EEFSEC: variants seen among roughly 807,000 people sequenced by gnomAD.
EEFSEC encodes selenocysteine-specific elongation factor.
EEFSEC carries 43 observed loss-of-function variants against 42.1 expected under a neutral mutation model. The ratio of observed to expected loss-of-function variants is 1.02; its 90% CI spans 0.80 to 1.32. The LOEUF (loss-of-function observed/expected upper bound fraction) is 1.32, where lower values mean the gene tolerates loss of function less well. Ranked by LOEUF, EEFSEC falls within the 40% of genes most tolerant of loss-of-function variation. The pLI is 0.00. For missense variants in EEFSEC, 745 were observed against 803.6 expected (o/e 0.93, Z 0.88); for synonymous variants, 354 against 339.1 (o/e 1.04, Z -0.48).
chr3:128,197,107 TATAA>T (rs1199569113), intron 1 of EEFSEC, among the ~76,000 whole-genome samples: 1 of 152,228 alleles, frequency 6.6e-6, no homozygotes, highest in African/African-American at 2.4e-5. Flanking sequence ...TAAGGCAGAT[TATAA>T]ATAAATAAAC....
intron 4 of EEFSEC, among the ~76,000 whole-genome samples, chr3:128,281,309 A>G (rs1372660952): frequency 2.6e-5 from 4 of 152,206 alleles, no homozygotes; most frequent in African/African-American, 9.7e-5. Context: ...AGCTTTCTGC[A>G]TGCAGCTGCT....
intron 2 of EEFSEC, among the ~76,000 whole-genome samples, chr3:128,252,879 A>G (rs1476178165): frequency 6.6e-6 from 1 of 152,184 alleles, no homozygotes; most frequent in Non-Finnish European, 1.5e-5. Context: ...CAGTCCTTGA[A>G]TGAGCTCTTG....
chr3:128,167,487 A>G (rs1313166074), intron 1 of EEFSEC, among the ~76,000 whole-genome samples: 1 of 152,246 alleles, frequency 6.6e-6, no homozygotes, highest in Non-Finnish European at 1.5e-5. Flanking sequence ...CAGTGGAGGA[A>G]GCTTGCCTTG....
intron 5 of EEFSEC, among the ~76,000 whole-genome samples, chr3:128,345,823 C>T (rs927707677): frequency 6.6e-6 from 1 of 152,248 alleles, no homozygotes; most frequent in Non-Finnish European, 1.5e-5. Context: ...GCCTTCTGAT[C>T]CCATTTCCTA....
intron 2 of EEFSEC, among the ~76,000 whole-genome samples, chr3:128,247,918 G>A (rs79665639): frequency 0.011 from 1,662 of 152,232 alleles, 32 homozygotes; most frequent in African/African-American, 0.038. Flanking sequence ...GATATCTAGC[G>A]GGAGAATCCA....
chr3:128,247,137 T>A, intron 2 of EEFSEC, 94 bp downstream of exon 2: 3 of 1,316,178 alleles, frequency 2.3e-6, no homozygotes, highest in Non-Finnish European at 3.2e-6. Context: ...CAGGCAGGTG[T>A]CAGCCTCCCG....
chr3:128,386,388 A>C (rs1046284916), intron 6 of EEFSEC, among the ~76,000 whole-genome samples: 1 of 152,182 alleles, frequency 6.6e-6, no homozygotes, highest in African/African-American at 2.4e-5. Flanking sequence ...TTTCTCTTGA[A>C]AAGCAGGGTG....
At chr3:128,293,787 T>C (rs992366434) in intron 4 of EEFSEC, among the ~76,000 whole-genome samples, 1 of 152,100 alleles carries the variant, frequency 6.6e-6, no homozygotes, top group Non-Finnish European at 1.5e-5. Flanking sequence ...CTTGGGTGAA[T>C]GACTTCACCT....
At chr3:128,161,956 T>G (rs2065193044) in intron 1 of EEFSEC, among the ~76,000 whole-genome samples, 2 of 152,226 alleles carry the variant, frequency 1.3e-5, no homozygotes, top group Non-Finnish European at 2.9e-5. Context: ...CTTGAGGAAT[T>G]TGGGTGTTAC....
chr3:128,321,008 A>G (rs1327380403), intron 4 of EEFSEC, among the ~76,000 whole-genome samples: 2 of 152,208 alleles, frequency 1.3e-5, no homozygotes, highest in Non-Finnish European at 2.9e-5. Flanking sequence ...GAGCTTATAG[A>G]ACACTGCCCA....
At chr3:128,279,039 C>T (rs2107962157) in intron 4 of EEFSEC, among the ~76,000 whole-genome samples, 1 of 152,054 alleles carries the variant, frequency 6.6e-6, no homozygotes, top group East Asian at 1.9e-4. Context: ...TGTGTGGATC[C>T]TGGTATTTTC....
At chr3:128,329,923 C>G (rs1361624108) in intron 4 of EEFSEC, among the ~76,000 whole-genome samples, 1 of 152,216 alleles carries the variant, frequency 6.6e-6, no homozygotes, top group East Asian at 1.9e-4. Context: ...GCTCTTTGCT[C>G]AGGCCCAGGG....
chr3:128,340,403 G>A (rs1442336007), intron 4 of EEFSEC, among the ~76,000 whole-genome samples: 3 of 149,974 alleles, frequency 2.0e-5, no homozygotes, highest in African/African-American at 4.9e-5. Flanking sequence ...TTGCATGCAT[G>A]TAATTTATAT....
chr3:128,198,383 G>T (rs1559864815), intron 1 of EEFSEC, among the ~76,000 whole-genome samples: 1 of 152,152 alleles, frequency 6.6e-6, no homozygotes, highest in East Asian at 1.9e-4. Flanking sequence ...GTTGAATTAT[G>T]TATATGTGTG....
the EEFSEC span, among the ~76,000 whole-genome samples, chr3:128,416,475 G>A: frequency 9.2e-5 from 14 of 152,200 alleles, no homozygotes; most frequent in Non-Finnish European, 1.6e-4. Flanking sequence ...GCCCCTGCCT[G>A]GAGCACCCCC....
At chr3:128,364,708 C>T (rs980223059) in intron 6 of EEFSEC, among the ~76,000 whole-genome samples, 2 of 152,226 alleles carry the variant, frequency 1.3e-5, no homozygotes, top group African/African-American at 2.4e-5. Flanking sequence ...GTGGAGTGCA[C>T]CTGACCCCCA....
Position 128,317,208 on chromosome 3 carries a change from G to A in EEFSEC, c.787-24025G>A, listed in dbSNP as rs1183948314. ...GCAGAAGCAGTGCGTGCTGCTGGCT[G>A]GGGGACGACAGCCAGCATTCCCAGG... On this transcript the variant is annotated intron_variant, in intron 4 of 6. Coordinates refer to ENST00000254730, the MANE Select transcript of EEFSEC (RefSeq NM_021937.5). This position sits in a 1 kb window ranked among gnomAD's most constrained non-coding sequence, Gnocchi z 4.1. Among the ~76,000 whole-genome samples, 1 of 152,186 alleles carries A rather than the reference G, an allele frequency of 6.6e-6. No individual in the cohort carries two copies. The highest frequency in any genetic ancestry group is 1.5e-5 in the Non-Finnish European group (1 of 68,030).
chr3:128,342,028 G>A, intron 5 of EEFSEC, 139 bp downstream of exon 5: 1 of 1,213,760 alleles, frequency 8.2e-7, no homozygotes, highest in South Asian at 1.6e-5. Flanking sequence ...TCTGTACAAG[G>A]CATCTGATGC....
chr3:128,318,839 C>T (rs979456345), intron 4 of EEFSEC, among the ~76,000 whole-genome samples: 3 of 152,332 alleles, frequency 2.0e-5, no homozygotes, highest in East Asian at 1.9e-4. Flanking sequence ...GCTTCGCCAC[C>T]GAGGGAGCAC....
Sources: allele counts gnomAD v4.1 joint callset (sites outside exome capture counted in the v4.1 genomes callset), GRCh38; gene constraint gnomAD v4.1.1; non-coding constraint Gnocchi (gnomAD v3.1); transcripts MANE v1.5; gene names NCBI Gene and HGNC (gene_info 2026-07-23, HGNC 2026-07-21).